The following MYO16 variants were observed in gnomAD, a reference collection of about 807,000 sequenced individuals.
MYO16 encodes myosin XVI.
In MYO16, 94 loss-of-function variants were observed where a neutral mutation model predicts 205.3. That is an observed-to-expected ratio of 0.46 (90% CI 0.39 to 0.54). The LOEUF is 0.54. MYO16 is among the 20% of genes least tolerant of loss of function. The pLI is 0.00. For synonymous variants in MYO16, 988 were observed against 954.0 expected (o/e 1.04, Z -0.66); for missense variants, 2,315 against 2,387.5 (o/e 0.97, Z 0.63).
intron 34 of MYO16, among the ~76,000 whole-genome samples, chr13:109,182,400 G>A (rs1470723747): frequency 6.6e-6 from 1 of 152,148 alleles, no homozygotes. Flanking sequence ...ACATTGGGCA[G>A]TAGTGGCTCC....
At chr13:109,096,045 C>T (rs1235204173) in intron 27 of MYO16, among the ~76,000 whole-genome samples, 5 of 152,218 alleles carry the variant, frequency 3.3e-5, no homozygotes, top group African/African-American at 9.6e-5. Flanking sequence ...GTCCTGGGTT[C>T]AATTCCAGCT....
intron 11 of MYO16, among the ~76,000 whole-genome samples, chr13:108,864,161 A>C (rs1878591789): frequency 6.6e-6 from 1 of 151,928 alleles, no homozygotes; most frequent in East Asian, 1.9e-4. Context: ...CTTTGATATT[A>C]TTTCATTCAT....
chr13:108,840,018 T>A (rs566893181), intron 9 of MYO16, among the ~76,000 whole-genome samples: 12 of 152,250 alleles, frequency 7.9e-5, no homozygotes, highest in Non-Finnish European at 1.6e-4. Context: ...TCCTTCACTA[T>A]AGTCCTTTTG....
the MYO16 span, among the ~76,000 whole-genome samples, chr13:108,510,432 TTTTTTTTTTATATTTAACATTGATAGCTG>T: frequency 1.6e-4 from 23 of 140,020 alleles, 3 homozygotes; most frequent in South Asian, 4.7e-4. Context: ...TTAATTTTTT[TTTTTTTTTTATATTTAACATTGATAGCTG>T]TTTTTTTTTT....
chr13:108,557,819 T>C, the MYO16 span, among the ~76,000 whole-genome samples: 2 of 152,192 alleles, frequency 1.3e-5, no homozygotes. Flanking sequence ...AAAGGGGTTA[T>C]GCAAATAAAA....
chr13:108,558,298 A>ATT, the MYO16 span, among the ~76,000 whole-genome samples: 1 of 152,076 alleles, frequency 6.6e-6, no homozygotes, highest in African/African-American at 2.4e-5. Flanking sequence ...TTTCCACTGA[A>ATT]TTTTGCCTTG....
At chr13:108,596,712 CT>C (rs999211594) in intron 1 of MYO16, among the ~76,000 whole-genome samples, 3 of 151,958 alleles carry the variant, frequency 2.0e-5, no homozygotes, top group Admixed American at 6.6e-5. Flanking sequence ...AAACTGACAC[CT>C]TTTTTTTACA....
At chr13:108,607,012 A>C (rs945843384) in intron 1 of MYO16, among the ~76,000 whole-genome samples, 2 of 152,160 alleles carry the variant, frequency 1.3e-5, no homozygotes, top group Non-Finnish European at 2.9e-5. Context: ...TTGGACTTTC[A>C]TGGGGTCTGT....
At chr13:108,778,599 A>G (rs1444097704) in intron 4 of MYO16, among the ~76,000 whole-genome samples, 3 of 150,236 alleles carry the variant, frequency 2.0e-5, no homozygotes, top group African/African-American at 7.3e-5. Flanking sequence ...AGCCTGAGTG[A>G]CAGGGCGAGA....
At chr13:108,922,739 A>T (rs549733520) in intron 16 of MYO16, among the ~76,000 whole-genome samples, 2 of 152,346 alleles carry the variant, frequency 1.3e-5, no homozygotes, top group African/African-American at 4.8e-5. Flanking sequence ...ATAAAAACAA[A>T]ATGTGTGTTT....
At chr13:108,883,644 T>A (rs1031858181) in intron 13 of MYO16, among the ~76,000 whole-genome samples, 2 of 152,024 alleles carry the variant, frequency 1.3e-5, no homozygotes, top group African/African-American at 2.4e-5. Context: ...AAACTTTTTT[T>A]TTTTTTTTGA....
intron 20 of MYO16, among the ~76,000 whole-genome samples, chr13:108,969,714 A>G (rs1177977542): frequency 1.3e-5 from 2 of 152,258 alleles, no homozygotes; most frequent in Non-Finnish European, 2.9e-5. Flanking sequence ...GCACCATTGT[A>G]GGGCTTCCCA....
At position 108,712,713 on chromosome 13, in the gene MYO16, A is replaced by T; in HGVS notation, c.345A>T (p.Gly115=). 1 of 1,613,870 alleles carries T rather than the reference A, an allele frequency of 6.2e-7. No individual in the cohort carries two copies. Among genetic ancestry groups the T allele is most frequent in the Non-Finnish European group, 8.5e-7 (1 of 1,179,896 alleles). The part of the protein sequence containing the change: ...GADPHTLVSS[G]GSLLHLCARY... ...ACCCCCACACCCTCGTCTCCTCGGG[A>T]GGGTCCCTGCTCCATCTGGTAAGAA... is the stretch of plus-strand genomic sequence containing the variant. The change falls in exon 3 of 35, where the codon GGA becomes GGT. Residue 115 remains glycine (G), a synonymous_variant. Coordinates refer to ENST00000457511, the MANE Select transcript of MYO16 (RefSeq NM_001198950.3).
chr13:108,653,470 T>G (rs1028954229), intron 1 of MYO16, among the ~76,000 whole-genome samples: 2 of 152,140 alleles, frequency 1.3e-5, no homozygotes, highest in African/African-American at 4.8e-5. Context: ...AAGTCCAATG[T>G]CATAAATGTC....
chr13:109,107,270 C>A (rs894372314), intron 28 of MYO16, among the ~76,000 whole-genome samples: 8 of 152,158 alleles, frequency 5.3e-5, no homozygotes, highest in African/African-American at 1.9e-4. Flanking sequence ...TTATCACAAT[C>A]TTCTAATGTA....
At chr13:108,944,746 T>C (rs910780843) in intron 16 of MYO16, among the ~76,000 whole-genome samples, 1 of 152,192 alleles carries the variant, frequency 6.6e-6, no homozygotes. Flanking sequence ...TGTTTTAAAA[T>C]TGAAGATATA....
Position 109,165,254 on chromosome 13 carries a change from C to A in MYO16, c.5323+195C>A, listed in dbSNP as rs533939268. Reference sequence around the variant, plus strand: ...AGTTAAAGAATTGGAATTCTATTCACTCCTTGTTGACTTTTCCGAAATTTT... The same window carrying A: ...AGTTAAAGAATTGGAATTCTATTCAATCCTTGTTGACTTTTCCGAAATTTT... On this transcript the variant is annotated intron_variant, in intron 33 of 34. Coordinates refer to ENST00000457511, the MANE Select transcript of MYO16 (RefSeq NM_001198950.3). 7.2e-5 allele frequency among the ~76,000 whole-genome samples: 11 copies of A among 152,314 alleles called. No homozygotes were observed. The South Asian group carries it at 1.5e-3, about 20-fold the overall frequency.
At chr13:108,627,326 C>T (rs1285838804), upstream of MYO16, among the ~76,000 whole-genome samples, 1 of 152,064 alleles carries the variant, frequency 6.6e-6, no homozygotes, top group African/African-American at 2.4e-5. Flanking sequence ...ACATAGAAAG[C>T]ACATTCTAAG....
chr13:108,622,997 A>G (rs1186521957), intron 1 of MYO16, among the ~76,000 whole-genome samples: 2 of 150,636 alleles, frequency 1.3e-5, no homozygotes, highest in African/African-American at 4.8e-5. Flanking sequence ...GAGAAAAGGA[A>G]ACAAATTTTC....
Sources: gnomAD v4.1 joint callset for allele counts (sites outside exome capture counted in the v4.1 genomes callset) on GRCh38, gnomAD v4.1.1 for gene constraint, MANE v1.5 for transcripts, NCBI Gene and HGNC (gene_info 2026-07-23, HGNC 2026-07-21) for gene names.